The following PIP5K1B variants were observed in gnomAD, a reference collection of about 807,000 sequenced individuals.
PIP5K1B encodes phosphatidylinositol-4-phosphate 5-kinase type 1 beta.
In PIP5K1B, 42 loss-of-function variants were observed where a neutral mutation model predicts 67.0. The observed-to-expected ratio is 0.63, with a 90% CI of 0.49 to 0.81. The LOEUF (loss-of-function observed/expected upper bound fraction) is 0.81. PIP5K1B is among the 30% of genes least tolerant of loss of function. The pLI is 0.00. For missense variants in PIP5K1B, 459 were observed against 646.3 expected (o/e 0.71, Z 3.14); for synonymous variants, 214 against 231.4 (o/e 0.92, Z 0.68).
intron 2 of PIP5K1B, among the ~76,000 whole-genome samples, chr9:68,770,654 C>T (rs1426740323): frequency 3.9e-5 from 6 of 152,122 alleles, no homozygotes; most frequent in African/African-American, 1.2e-4. Flanking sequence ...CTCATAGAAG[C>T]GCAAACCCTA....
chr9:68,873,120 A>G (rs529910065), intron 5 of PIP5K1B, among the ~76,000 whole-genome samples: 14 of 152,064 alleles, frequency 9.2e-5, no homozygotes, highest in African/African-American at 3.4e-4. Context: ...CTCAAGCTAC[A>G]TCACAGTCGT....
At chr9:68,847,471 G>C (rs1398321190) in intron 4 of PIP5K1B, among the ~76,000 whole-genome samples, 1 of 146,914 alleles carries the variant, frequency 6.8e-6, no homozygotes, top group Non-Finnish European at 1.5e-5. Context: ...GTGTAGGTGG[G>C]GATAACATTA....
At chr9:68,943,585 C>G (rs1827665068) in intron 14 of PIP5K1B, among the ~76,000 whole-genome samples, 1 of 151,668 alleles carries the variant, frequency 6.6e-6, no homozygotes, top group African/African-American at 2.4e-5. Context: ...TAAATAGACA[C>G]TACTCTAAAT....
chr9:68,876,087 C>A, intron 5 of PIP5K1B, among the ~76,000 whole-genome samples: 1 of 151,562 alleles, frequency 6.6e-6, no homozygotes, highest in African/African-American at 2.4e-5. Flanking sequence ...CAAAATGAAC[C>A]CAGAAAAAGG....
intron 4 of PIP5K1B, among the ~76,000 whole-genome samples, chr9:68,830,523 A>G (rs2132106753): frequency 6.6e-6 from 1 of 152,314 alleles, no homozygotes; most frequent in Non-Finnish European, 1.5e-5. Flanking sequence ...GGGGGCCTCC[A>G]TATGTTAAGT....
chr9:68,718,276 T>C (rs779123051), intron 1 of PIP5K1B, among the ~76,000 whole-genome samples: 16 of 152,216 alleles, frequency 1.1e-4, no homozygotes, highest in Admixed American at 1.3e-4. Flanking sequence ...ATAAAACATA[T>C]GTAAGCTTCA....
chr9:68,885,281 A>C (rs1051928035), intron 6 of PIP5K1B, among the ~76,000 whole-genome samples: 1 of 152,234 alleles, frequency 6.6e-6, no homozygotes, highest in Non-Finnish European at 1.5e-5. Flanking sequence ...GTAGAGGAGA[A>C]TGATGATTAC....
At chr9:68,937,817 G>C (rs919867075) in intron 13 of PIP5K1B, among the ~76,000 whole-genome samples, 2 of 152,074 alleles carry the variant, frequency 1.3e-5, no homozygotes, top group Non-Finnish European at 2.9e-5. Context: ...CATTCTCATG[G>C]TTTCAAAGAA....
chr9:68,981,980 G>T (rs908333412), intron 14 of PIP5K1B, among the ~76,000 whole-genome samples: 1 of 152,132 alleles, frequency 6.6e-6, no homozygotes, highest in African/African-American at 2.4e-5. Flanking sequence ...CAGTTTCTGT[G>T]TTTTTACAAG....
At chr9:68,825,924 G>C (rs1287474885) in intron 4 of PIP5K1B, among the ~76,000 whole-genome samples, 1 of 152,170 alleles carries the variant, frequency 6.6e-6, no homozygotes, top group Non-Finnish European at 1.5e-5. Flanking sequence ...TGTTATTAGG[G>C]AACACTCAGT....
chr9:68,780,993 C>T (rs773370744), intron 2 of PIP5K1B: 7 of 1,613,950 alleles, frequency 4.3e-6, no homozygotes, highest in African/African-American at 4.0e-5. Flanking sequence ...AGCGGCTTCT[C>T]CATTTATTCC....
At chr9:68,892,902 G>C (rs1353203488) in intron 7 of PIP5K1B, among the ~76,000 whole-genome samples, 1 of 152,048 alleles carries the variant, frequency 6.6e-6, no homozygotes, top group Non-Finnish European at 1.5e-5. Context: ...GTGAAACCCT[G>C]TCTCTACTAA....
At chr9:68,979,382 A>T (rs1004187721) in intron 14 of PIP5K1B, among the ~76,000 whole-genome samples, 11 of 152,252 alleles carry the variant, frequency 7.2e-5, no homozygotes, top group Non-Finnish European at 1.3e-4. Flanking sequence ...ACAGTCAACG[A>T]TGCCTGCTAG....
At chr9:68,871,932 C>CA (rs1823646657) in intron 5 of PIP5K1B, among the ~76,000 whole-genome samples, 1 of 149,596 alleles carries the variant, frequency 6.7e-6, no homozygotes, top group African/African-American at 2.5e-5. Flanking sequence ...CCACACCCTA[C>CA]ATAAGTGCAT....
intron 2 of PIP5K1B, among the ~76,000 whole-genome samples, chr9:68,787,714 C>T (rs1831709157): frequency 6.6e-6 from 1 of 152,090 alleles, no homozygotes; most frequent in African/African-American, 2.4e-5. Context: ...CTCCCTGCAA[C>T]CTCCGCCTCC....
At chr9:68,827,431 A>G (rs1834044853) in intron 4 of PIP5K1B, among the ~76,000 whole-genome samples, 1 of 152,216 alleles carries the variant, frequency 6.6e-6, no homozygotes, top group African/African-American at 2.4e-5. Context: ...TGAGAACTGT[A>G]ATTTTTAATC....
intron 6 of PIP5K1B, among the ~76,000 whole-genome samples, chr9:68,880,883 T>C (rs186048191): frequency 3.9e-5 from 6 of 152,224 alleles, no homozygotes; most frequent in Middle Eastern, 3.4e-3. Flanking sequence ...CCAACAAACT[T>C]TGGAGTCTCT....
intron 15 of PIP5K1B, 111 bp downstream of exon 15, chr9:68,991,368 G>T (rs1830359103): frequency 3.1e-6 from 2 of 654,358 alleles, no homozygotes; most frequent in Non-Finnish European, 5.6e-6. Context: ...GGTTTTAAAA[G>T]AAATGATGGC....
rs535376356 is a variant in PIP5K1B, at chr9:68,883,026, A to G, written c.319-5955A>G. Among the ~76,000 whole-genome samples the G allele has an allele frequency of 3.9e-5, 6 of 152,336 alleles. No individual in the cohort carries two copies. In the East Asian group the frequency reaches 1.2e-3, roughly 29 times the overall value. On this transcript the variant is annotated intron_variant, in intron 6 of 15. Coordinates refer to ENST00000265382, the MANE Select transcript of PIP5K1B (RefSeq NM_003558.4). Reference sequence around the variant, plus strand: ...TCTCTCACCTGTGTGTGATCATGTCATAAAATTAACAACAGCAATACATGG... The same window carrying G: ...TCTCTCACCTGTGTGTGATCATGTCGTAAAATTAACAACAGCAATACATGG...
Sources: allele counts gnomAD v4.1 joint callset (sites outside exome capture counted in the v4.1 genomes callset), GRCh38; gene constraint gnomAD v4.1.1; transcripts MANE v1.5; gene names NCBI Gene and HGNC (gene_info 2026-07-23, HGNC 2026-07-21).